RFK: variants seen among roughly 807,000 people sequenced by gnomAD.
The protein encoded by RFK is riboflavin kinase.
RFK carries 4 observed loss-of-function variants against 17.6 expected under a neutral mutation model. The observed-to-expected ratio is 0.23, with a 90% CI of 0.11 to 0.52. RFK has a LOEUF of 0.52. Among genes scored for constraint, RFK ranks in the 20% least tolerant of loss-of-function variants. The pLI, the probability that RFK is intolerant of heterozygous loss-of-function variation, is 0.96. For missense variants in RFK, 189 were observed against 187.7 expected (o/e 1.01, Z -0.04); for synonymous variants, 59 against 63.8 (o/e 0.92, Z 0.36).
In RFK at chr9:76,387,467, CT is replaced by C; in HGVS notation, c.399del (p.Glu134AsnfsTer3). ...IEEAKKRLEL[P>X]EHLKIKEDNF... ...TTGTCTTCTTTGATTTTCAAATGTTCTGGTAACTCTAGTCGTTTCTTAGCTT... is the reference window on the plus strand; with the variant it reads ...TTGTCTTCTTTGATTTTCAAATGTTCGGTAACTCTAGTCGTTTCTTAGCTT... On this transcript the variant is annotated frameshift_variant, in exon 4 of 4. Transcript: ENST00000376736. LOFTEE classifies it high-confidence loss of function. The C allele has an allele frequency of 1.2e-6, 2 of 1,611,946 alleles. No individual in the cohort carries two copies. The highest frequency in any genetic ancestry group is 1.7e-6 in the Non-Finnish European group (2 of 1,179,326).
At position 76,387,468 on chromosome 9, in the gene RFK, T is replaced by TG; in HGVS notation, c.398dup (p.Glu134ArgfsTer15). 1 of 1,612,132 alleles carries TG rather than the reference T, an allele frequency of 6.2e-7. No homozygotes were observed. The highest frequency in any genetic ancestry group is 8.5e-7 in the Non-Finnish European group (1 of 1,179,396). ...TGTCTTCTTTGATTTTCAAATGTTC[T>TG]GGTAACTCTAGTCGTTTCTTAGCTT... On this transcript the variant is annotated frameshift_variant, in exon 4 of 4. Coordinates refer to ENST00000376736, the MANE Select transcript of RFK (RefSeq NM_018339.6). LOFTEE classifies it high-confidence loss of function.
At position 76,392,430 on chromosome 9, in the gene RFK, C is replaced by A. The variant is rs767893968; in HGVS notation, c.222G>T (p.Thr74=). The change falls in exon 2 of 4, where the codon ACG becomes ACT. Residue 74 remains threonine (T), a synonymous_variant. Coordinates refer to ENST00000376736, the MANE Select transcript of RFK (RefSeq NM_018339.6). ...ATATAATGCTTACCATAGACTTCTT[C>A]GTATTCTTGTAATATGGGTTCCATC... ...SIGWNPYYKN[T]KKSMETHIMH... is the part of the protein sequence containing the mutation. 1 of 1,614,006 alleles carries A rather than the reference C, an allele frequency of 6.2e-7. No homozygotes were observed. The highest frequency in any genetic ancestry group is 1.3e-5 in the African/African-American group (1 of 74,912).
chr9:76,392,434 T>C lies in RFK; in HGVS notation c.218A>G (p.Asn73Ser), dbSNP rs1822830483. 1 of 1,614,210 alleles carries C rather than the reference T, an allele frequency of 6.2e-7. No homozygotes were observed. The highest frequency in any genetic ancestry group is 1.7e-5 in the Admixed American group (1 of 60,022). Residue 73 changes from asparagine to serine, a missense_variant, in exon 2 of 4, where the codon AAT becomes AGT. Physicochemically the swap from Asn to Ser is conservative, Grantham distance 46. This residue lies in a region of RFK where 95 missense variants were observed against 95.7 expected (regional missense o/e 0.99). Coordinates refer to ENST00000376736, the MANE Select transcript of RFK (RefSeq NM_018339.6). The part of the protein sequence containing the change: ...VSIGWNPYYK[N>S]TKKSMETHIM... ...AATGCTTACCATAGACTTCTTCGTA[T>C]TCTTGTAATATGGGTTCCATCCTAT...
chr9:76,388,718 C>T (rs1182223111), intron 2 of RFK, 62 bp from the exon 3 acceptor site: 4 of 889,724 alleles, frequency 4.5e-6, no homozygotes, highest in Non-Finnish European at 5.5e-6. Flanking sequence ...ATCTGAAATA[C>T]ATCTTCATGT....
Position 76,394,153 on chromosome 9 carries a change from A to G in RFK, c.19T>C (p.Phe7Leu). MRHLPY[F>L]CRGQVVRGFG... Reference sequence around the variant, plus strand: ...CCCCGCACCACTTGACCCCGGCAGAAGTAAGGCAGGTGCCTCATAATGCAG... The same window carrying G: ...CCCCGCACCACTTGACCCCGGCAGAGGTAAGGCAGGTGCCTCATAATGCAG... Residue 7 changes from phenylalanine to leucine, a missense_variant, in exon 1 of 4, where the codon TTC becomes CTC. Coordinates refer to ENST00000376736, the MANE Select transcript of RFK (RefSeq NM_018339.6). The G allele has an allele frequency of 6.2e-7, 1 of 1,608,126 alleles. No individual in the cohort carries two copies. Among genetic ancestry groups the G allele is most frequent in the Non-Finnish European group, 8.5e-7 (1 of 1,178,188 alleles).
chr9:76,388,606 G>A lies in RFK; in HGVS notation c.285C>T (p.Leu95=), dbSNP rs750214395. The A allele has an allele frequency of 5.6e-6, 9 of 1,612,560 alleles. No homozygotes were observed. The highest frequency in any genetic ancestry group is 4.5e-5 in the East Asian group (2 of 44,858). ...TFKEDFYGEI[L]NVAIVGYLRP... is the part of the protein sequence containing the mutation. ...TCAGGTAGCCAACAATGGCCACATT[G>A]AGGATTTCCCCATAGAAGTCCTCTT... Residue 95 remains leucine (L), a synonymous_variant, in exon 3 of 4, where the codon CTC becomes CTT. Transcript: ENST00000376736.
intron 1 of RFK, 115 bp downstream of exon 1, chr9:76,393,975 G>T: frequency 1.1e-6 from 1 of 927,824 alleles, no homozygotes; most frequent in Non-Finnish European, 1.6e-6. Flanking sequence ...GAGGAAGGGT[G>T]TGCTCTCTGC....
intron 2 of RFK, 122 bp from the exon 3 acceptor site, chr9:76,388,778 A>T (rs2131553549): frequency 3.4e-6 from 2 of 588,030 alleles, no homozygotes; most frequent in East Asian, 6.1e-5. Flanking sequence ...TAAACTTTTA[A>T]AGATTCAGGT....
intron 2 of RFK, among the ~76,000 whole-genome samples, chr9:76,389,783 A>C (rs1822792707): frequency 6.6e-6 from 1 of 152,194 alleles, no homozygotes; most frequent in Non-Finnish European, 1.5e-5. Flanking sequence ...AAAAAATTTA[A>C]AAATAATTTT....
At chr9:76,389,802 T>C (rs1822793014) in intron 2 of RFK, among the ~76,000 whole-genome samples, 1 of 152,218 alleles carries the variant, frequency 6.6e-6, no homozygotes. Context: ...TTAAAAAATA[T>C]GTAAGACCCT....
chr9:76,393,728 G>T (rs62567919), intron 1 of RFK: 93,432 of 313,100 alleles, frequency 0.3, 15,720 homozygotes, highest in Non-Finnish European at 0.36. Flanking sequence ...GACCCGGCTT[G>T]CGAGTTCAGC....
At chr9:76,392,386 T>G (rs1339922924) in intron 2 of RFK, 32 bp downstream of exon 2, 5 of 1,609,646 alleles carry the variant, frequency 3.1e-6, no homozygotes, top group South Asian at 1.1e-5. Context: ...CATCATACCA[T>G]TTTCGGTTAC....
chr9:76,388,262 C>T (rs540249383), intron 3 of RFK: 2 of 534,656 alleles, frequency 3.7e-6, no homozygotes, highest in East Asian at 4.7e-5. Flanking sequence ...TAACTTCATA[C>T]CGCTGGAGAG....
chr9:76,392,542 TTATC>T lies in RFK; in HGVS notation c.106_109del (p.Asp36IlefsTer27). 1.2e-6 allele frequency: 2 copies of T among 1,614,184 alleles called. No homozygotes were observed. The highest frequency in any genetic ancestry group is 1.7e-6 in the Non-Finnish European group (2 of 1,180,020). ...ACCAGTGGATATATCAGCTGGAAGA[TTATC>T]TACCACTTGCTCAGGAAAATTAGCT... On this transcript the variant is annotated frameshift_variant, in exon 2 of 4. Transcript: ENST00000376736. LOFTEE classifies it high-confidence loss of function.
Position 76,388,652 on chromosome 9 carries a change from G to T in RFK, c.239C>A (p.Thr80Lys). 1 of 1,583,604 alleles carries T rather than the reference G, an allele frequency of 6.3e-7. No homozygotes were observed. Among genetic ancestry groups the T allele is most frequent in the Non-Finnish European group, 8.7e-7 (1 of 1,152,872 alleles). ...YYKNTKKSME[T>K]HIMHTFKEDF... ...CTCTTTGAAGGTATGCATGATATGT[G>T]TTTCCTATAGTCAAGAAATGTTACA... Residue 80 changes from threonine (T) to lysine (K), a missense_variant, in exon 3 of 4, where the codon ACA (threonine) becomes AAA (lysine). Around this residue, in one of 3 missense-constraint regions of RFK, gnomAD observed 95 missense variants for 95.7 expected, o/e 0.99. Coordinates refer to ENST00000376736, the MANE Select transcript of RFK (RefSeq NM_018339.6).
intron 1 of RFK, 139 bp downstream of exon 1, chr9:76,393,951 A>C (rs955430995): frequency 8.1e-6 from 6 of 742,538 alleles, no homozygotes; most frequent in Non-Finnish European, 1.3e-5. Context: ...GCCACAGACA[A>C]GGGGATGCGG....
chr9:76,388,173 T>C, intron 3 of RFK: 1 of 456,230 alleles, frequency 2.2e-6, no homozygotes, highest in South Asian at 1.6e-5. Flanking sequence ...CACACTACAC[T>C]AATACATACC....
Position 76,387,268 on chromosome 9 carries a change from T to C in RFK, c.*131A>G. On this transcript the variant is annotated 3_prime_UTR_variant, in exon 4 of 4. Transcript: ENST00000376736. ...GTTGAAGCATGATATGATAACAACA[T>C]TGTACGGTTTAAACTAATTCACAAC... The C allele has an allele frequency of 3.8e-6, 3 of 796,198 alleles. No homozygotes were observed. The highest frequency in any genetic ancestry group is 1.8e-5 in the South Asian group (1 of 56,624). The allele number at this position is 796,198 out of a possible 1,614,324, so 49.3% of individuals were successfully genotyped here. A position where few individuals can be genotyped will look rare whatever the true frequency, so the allele number is the denominator to read the frequency against.
rs146518324 is a variant in RFK, at chr9:76,387,586, T to C, written c.338-57A>G. The C allele has an allele frequency of 1.0e-5, 16 of 1,534,520 alleles. No individual in the cohort carries two copies. In the East Asian group the frequency reaches 1.6e-4, roughly 15 times the overall value. On this transcript the variant is annotated intron_variant, in intron 3 of 3. Transcript: ENST00000376736. ...GAAAAACCATTAACATACTTTTTAC[T>C]ACTACTCTGTTTAGCCAATCCTAAA...
Sources: gnomAD v4.1 joint callset for allele counts (sites outside exome capture counted in the v4.1 genomes callset) on GRCh38, gnomAD v4.1.1 for gene constraint, gnomAD v4.1.1 regional missense constraint, MANE v1.5 for transcripts, NCBI Gene and HGNC (gene_info 2026-07-23, HGNC 2026-07-21) for gene names.